Variants in PARD3 observed in about 807,000 individuals in gnomAD.
PARD3 encodes par-3 family cell polarity regulator.
In PARD3, 75 loss-of-function variants were observed where a neutral mutation model predicts 155.4. That is an observed-to-expected ratio of 0.48 (90% CI 0.40 to 0.58). The LOEUF (loss-of-function observed/expected upper bound fraction) is 0.58. PARD3 is among the 20% of genes least tolerant of loss of function. PARD3 has a pLI of 0.00. For synonymous variants in PARD3, 576 were observed against 610.5 expected (o/e 0.94, Z 0.83); for missense variants, 1,642 against 1,721.7 (o/e 0.95, Z 0.82).
chr10:34,350,526 C>T (rs528332119), intron 14 of PARD3, among the ~76,000 whole-genome samples: 50 of 148,260 alleles, frequency 3.4e-4, no homozygotes, highest in Admixed American at 1.3e-3. Flanking sequence ...TCCAGCTACT[C>T]GGGAGGCTGA....
At chr10:34,550,517 G>A (rs111391564) in intron 2 of PARD3, among the ~76,000 whole-genome samples, 12 of 152,042 alleles carry the variant, frequency 7.9e-5, no homozygotes, top group South Asian at 4.2e-4. Context: ...CTGGCCTACC[G>A]GCCACCTTTA....
At chr10:34,332,098 A>T (rs1835681500) in intron 18 of PARD3, among the ~76,000 whole-genome samples, 1 of 152,248 alleles carries the variant, frequency 6.6e-6, no homozygotes. Flanking sequence ...GGTGATGGAC[A>T]GAAGAAAGAC....
chr10:34,465,440 A>T (rs966984194), intron 4 of PARD3, among the ~76,000 whole-genome samples: 11 of 152,230 alleles, frequency 7.2e-5, no homozygotes, highest in African/African-American at 2.7e-4. Context: ...TGACAAAGAC[A>T]TAACTAAGAA....
intron 22 of PARD3, among the ~76,000 whole-genome samples, chr10:34,151,759 T>C (rs1948792304): frequency 6.6e-6 from 1 of 152,210 alleles, no homozygotes; most frequent in African/African-American, 2.4e-5. Context: ...AATGTTATAA[T>C]TGGAGGTTAT....
intron 14 of PARD3, among the ~76,000 whole-genome samples, chr10:34,352,338 G>GCTCCCGT (rs959199341): frequency 1.2e-4 from 18 of 151,268 alleles, no homozygotes; most frequent in Middle Eastern, 3.4e-3. Flanking sequence ...ACTCTTTTTT[G>GCTCCCGT]CTCCCCTCTC....
intron 2 of PARD3, among the ~76,000 whole-genome samples, chr10:34,590,014 T>G (rs1454568485): frequency 6.6e-6 from 1 of 152,170 alleles, no homozygotes; most frequent in Non-Finnish European, 1.5e-5. Context: ...ACATTACCAA[T>G]CCAGGATCAT....
chr10:34,500,143 C>T (rs2080584620), intron 3 of PARD3, among the ~76,000 whole-genome samples: 1 of 152,236 alleles, frequency 6.6e-6, no homozygotes, highest in African/African-American at 2.4e-5. Context: ...GTGCTACACA[C>T]ACACAGGGAT....
chr10:34,655,385 T>C (rs565075376), intron 2 of PARD3, among the ~76,000 whole-genome samples: 4 of 152,260 alleles, frequency 2.6e-5, no homozygotes, highest in African/African-American at 9.6e-5. Flanking sequence ...TAACACACAA[T>C]AAGCACTGCC....
chr10:34,534,231 A>C (rs996182987), intron 2 of PARD3, among the ~76,000 whole-genome samples: 1 of 150,890 alleles, frequency 6.6e-6, no homozygotes, highest in Admixed American at 6.6e-5. Context: ...GTGCCACTGC[A>C]CTCCAGCCTG....
At chr10:34,399,718 C>A (rs1264680901) in intron 6 of PARD3, among the ~76,000 whole-genome samples, 3 of 152,160 alleles carry the variant, frequency 2.0e-5, no homozygotes, top group African/African-American at 4.8e-5. Flanking sequence ...CCCTATTCTT[C>A]TGTGTAATAC....
At chr10:34,410,319 A>G (rs1230616160) in intron 5 of PARD3, among the ~76,000 whole-genome samples, 1 of 151,728 alleles carries the variant, frequency 6.6e-6, no homozygotes, top group Non-Finnish European at 1.5e-5. Flanking sequence ...TAGATCATAT[A>G]GGTTTTTCTT....
At chr10:34,624,479 G>A (rs1484802293) in intron 2 of PARD3, among the ~76,000 whole-genome samples, 4 of 152,234 alleles carry the variant, frequency 2.6e-5, no homozygotes, top group Non-Finnish European at 5.9e-5. Flanking sequence ...TGTACCCAGA[G>A]CAGAAACAGT....
intron 7 of PARD3, among the ~76,000 whole-genome samples, chr10:34,387,433 G>C (rs1024458081): frequency 6.6e-6 from 1 of 151,816 alleles, no homozygotes; most frequent in African/African-American, 2.4e-5. Context: ...TTTTTTTTGA[G>C]ACAGAATCTT....
chr10:34,289,767 T>C (rs990853524), intron 20 of PARD3, among the ~76,000 whole-genome samples: 3 of 152,204 alleles, frequency 2.0e-5, no homozygotes, highest in Non-Finnish European at 2.9e-5. Flanking sequence ...TCAGCTAACG[T>C]AATCTCAAAC....
At chr10:34,501,318 C>A (rs1344806635) in intron 3 of PARD3, among the ~76,000 whole-genome samples, 4 of 152,044 alleles carry the variant, frequency 2.6e-5, no homozygotes, top group South Asian at 2.1e-4. Flanking sequence ...TGTGGCACCC[C>A]CCTCTGCCCG....
chr10:34,444,932 C>G (rs138615740), intron 5 of PARD3, among the ~76,000 whole-genome samples: 2 of 152,234 alleles, frequency 1.3e-5, no homozygotes, highest in African/African-American at 4.8e-5. Flanking sequence ...AAGTAGAAAA[C>G]AGAGCAAAAA....
chr10:34,247,898 T>G (rs1300939009), intron 22 of PARD3, among the ~76,000 whole-genome samples: 1 of 152,220 alleles, frequency 6.6e-6, no homozygotes, highest in Non-Finnish European at 1.5e-5. Context: ...ATACTCCCAT[T>G]TTTTACGTTC....
chr10:34,123,501 G>C lies in PARD3; in HGVS notation c.3541-3761C>G, dbSNP rs1947115391. On this transcript the variant is annotated intron_variant, in intron 23 of 24. Coordinates refer to ENST00000374788, the MANE Select transcript of PARD3 (RefSeq NM_001184785.2). ...CTGTTGCCAAGGCTGGAGTACAGTGGCACAATTACAGCTCACTGCAGCCTC... is the reference window on the plus strand; with the variant it reads ...CTGTTGCCAAGGCTGGAGTACAGTGCCACAATTACAGCTCACTGCAGCCTC... Among the ~76,000 whole-genome samples, 4 of 152,010 alleles carry C rather than the reference G, an allele frequency of 2.6e-5. No individual in the cohort carries two copies. In the South Asian group the frequency reaches 8.3e-4, roughly 31 times the overall value.
intron 20 of PARD3, among the ~76,000 whole-genome samples, chr10:34,288,298 T>C (rs1184370679): frequency 2.0e-5 from 3 of 152,226 alleles, no homozygotes; most frequent in Non-Finnish European, 4.4e-5. Flanking sequence ...GACATTTCTT[T>C]TAGTAATTGC....
Sources: allele counts gnomAD v4.1 joint callset (sites outside exome capture counted in the v4.1 genomes callset), GRCh38; gene constraint gnomAD v4.1.1; transcripts MANE v1.5; gene names NCBI Gene and HGNC (gene_info 2026-07-23, HGNC 2026-07-21).